Variants in ZNF385D observed in about 807,000 individuals in gnomAD.
The protein encoded by ZNF385D is zinc finger protein 385D, also known as zinc finger protein 659.
In ZNF385D, 15 loss-of-function variants were observed where a neutral mutation model predicts 35.8. That is an observed-to-expected ratio of 0.42 (90% confidence interval 0.28 to 0.64). ZNF385D has a LOEUF of 0.64. Among genes scored for constraint, ZNF385D ranks in the 30% least tolerant of loss-of-function variants. The pLI is 0.23. For missense variants in ZNF385D, 474 were observed against 494.6 expected (o/e 0.96, Z 0.39); for synonymous variants, 212 against 186.8 (o/e 1.13, Z -1.10).
At chr3:21,501,370 C>T (rs895984604) in intron 4 of ZNF385D, among the ~76,000 whole-genome samples, 3 of 152,158 alleles carry the variant, frequency 2.0e-5, no homozygotes, top group Non-Finnish European at 4.4e-5. Context: ...TCATCAGAGC[C>T]ATATCAATGC....
At chr3:21,963,867 A>G (rs928207507) in intron 3 of ZNF385D, among the ~76,000 whole-genome samples, 2 of 152,210 alleles carry the variant, frequency 1.3e-5, no homozygotes, top group Non-Finnish European at 2.9e-5. Flanking sequence ...TCAAAATAAA[A>G]AGAAAAATTC....
chr3:22,061,909 C>A (rs190721215), intron 3 of ZNF385D, among the ~76,000 whole-genome samples: 1 of 152,324 alleles, frequency 6.6e-6, no homozygotes, highest in East Asian at 1.9e-4. Context: ...ATATTTTGAG[C>A]TGTCTTGTTG....
At chr3:21,915,040 A>G (rs190313571) in intron 3 of ZNF385D, among the ~76,000 whole-genome samples, 1,886 of 149,268 alleles carry the variant, frequency 0.013, 45 homozygotes, top group Non-Finnish European at 0.016. Context: ...TCCAGAGTGT[A>G]AAAATTATTT....
chr3:21,818,081 G>A (rs1051913681), intron 3 of ZNF385D, among the ~76,000 whole-genome samples: 3 of 150,950 alleles, frequency 2.0e-5, no homozygotes, highest in East Asian at 2.0e-4. Context: ...CACAAGGACA[G>A]AAAACGAAAC....
At chr3:22,019,046 T>A (rs1470865520) in intron 3 of ZNF385D, among the ~76,000 whole-genome samples, 2 of 78,164 alleles carry the variant, frequency 2.6e-5, no homozygotes, top group African/African-American at 8.0e-5. Context: ...TTTTTTTTTT[T>A]TTTTTTTTTT....
At chr3:21,453,676 T>A (rs1230789066) in intron 4 of ZNF385D, among the ~76,000 whole-genome samples, 5 of 151,894 alleles carry the variant, frequency 3.3e-5, no homozygotes, top group Admixed American at 3.3e-4. Flanking sequence ...ATGGCTATAA[T>A]AATAAAAAAC....
intron 3 of ZNF385D, among the ~76,000 whole-genome samples, chr3:21,861,017 C>A (rs1467234570): frequency 6.6e-5 from 10 of 152,080 alleles, no homozygotes; most frequent in Non-Finnish European, 2.9e-5. Flanking sequence ...TACCTCTATA[C>A]CTTGCAATAC....
rs897502391 is a variant in ZNF385D at position 21,810,957 on chromosome 3, T to C, written c.326-145929A>G. 3.6e-5 allele frequency among the ~76,000 whole-genome samples: 5 copies of C among 139,616 alleles called. No homozygotes were observed. The South Asian group carries it at 9.1e-4, about 25-fold the overall frequency. The allele number at this position is 139,616 out of a possible 152,430, so 91.6% of individuals were successfully genotyped here. On this transcript the variant is annotated intron_variant, in intron 3 of 5. Transcript: ENST00000494108. The stretch of plus-strand genomic sequence containing the variant: ...ACACAGCACATCACACACACACACA[T>C]ATGTGTGTGTATACGTGTGTGTGTG...
chr3:22,233,910 T>C (rs1463316759), intron 2 of ZNF385D, among the ~76,000 whole-genome samples: 1 of 152,124 alleles, frequency 6.6e-6, no homozygotes, highest in Non-Finnish European at 1.5e-5. Flanking sequence ...ATTAAAGTTT[T>C]AATCATTCTT....
chr3:21,950,465 GCA>G (rs1266928395), intron 3 of ZNF385D, among the ~76,000 whole-genome samples: 1 of 151,658 alleles, frequency 6.6e-6, no homozygotes, highest in Non-Finnish European at 1.5e-5. Flanking sequence ...TTTGTCAGAG[GCA>G]CAGATTGCAA....
chr3:21,889,127 C>A lies in ZNF385D; in HGVS notation c.326-224099G>T, dbSNP rs115129049. Among the ~76,000 whole-genome samples, 663 of 152,266 alleles carry A rather than the reference C, an allele frequency of 4.4e-3. 8 individuals carry two copies. Among genetic ancestry groups the A allele is most frequent in the African/African-American group, 0.015 (632 of 41,546 alleles). ...GGATGCAGAGGGCAAACAACTGACA[C>A]TGAAATAGACAACAGAGAAGCAACT... On this transcript the variant is annotated intron_variant, in intron 3 of 5. Coordinates refer to the ZNF385D transcript ENST00000494108.
chr3:21,791,369 T>A (rs1436743773), intron 3 of ZNF385D, among the ~76,000 whole-genome samples: 1 of 152,202 alleles, frequency 6.6e-6, no homozygotes, highest in Non-Finnish European at 1.5e-5. Context: ...CATGTGATAT[T>A]AGGGGACAAA....
At chr3:22,369,963 CA>C (rs1183852823) in intron 2 of ZNF385D, among the ~76,000 whole-genome samples, 1 of 152,044 alleles carries the variant, frequency 6.6e-6, no homozygotes, top group African/African-American at 2.4e-5. Flanking sequence ...AATTAAATTA[CA>C]AAAAAACTAA....
chr3:21,826,227 G>A (rs1359580644), intron 3 of ZNF385D, among the ~76,000 whole-genome samples: 1 of 152,188 alleles, frequency 6.6e-6, no homozygotes, highest in East Asian at 1.9e-4. Flanking sequence ...ACTGTTGAAG[G>A]CTGACTACAA....
chr3:21,426,216 G>C (rs1018792679), intron 5 of ZNF385D, among the ~76,000 whole-genome samples: 3 of 152,100 alleles, frequency 2.0e-5, no homozygotes, highest in Admixed American at 6.6e-5. Context: ...TTCCAAGTGA[G>C]AGTAATAGTA....
intron 3 of ZNF385D, among the ~76,000 whole-genome samples, chr3:21,803,503 ATAT>A (rs1325414806): frequency 2.0e-5 from 3 of 152,178 alleles, no homozygotes; most frequent in Non-Finnish European, 2.9e-5. Context: ...CTGTAATAAA[ATAT>A]TATTTCAAAA....
intron 4 of ZNF385D, among the ~76,000 whole-genome samples, chr3:21,508,877 T>A (rs998737103): frequency 6.6e-6 from 1 of 152,128 alleles, no homozygotes; most frequent in Non-Finnish European, 1.5e-5. Flanking sequence ...CCCTTTGGAT[T>A]ATTCTAGGTT....
chr3:22,222,954 T>G (rs192808303), intron 2 of ZNF385D, among the ~76,000 whole-genome samples: 65 of 152,290 alleles, frequency 4.3e-4, no homozygotes, highest in African/African-American at 1.5e-3. Flanking sequence ...TGGCTTTGTT[T>G]AGTCATTGAT....
At chr3:21,444,953 A>T (rs1301039459) in intron 4 of ZNF385D, among the ~76,000 whole-genome samples, 2 of 152,174 alleles carry the variant, frequency 1.3e-5, no homozygotes, top group Non-Finnish European at 2.9e-5. Flanking sequence ...GGGTCAGGCA[A>T]CTGAGGGTTA....
Sources: allele counts gnomAD v4.1 joint callset (sites outside exome capture counted in the v4.1 genomes callset), GRCh38; gene constraint gnomAD v4.1.1; transcripts MANE v1.5; gene names NCBI Gene and HGNC (gene_info 2026-07-23, HGNC 2026-07-21).